FABP3: variants seen among roughly 807,000 people sequenced by gnomAD.
FABP3 encodes the protein fatty acid-binding protein, heart.
In FABP3, 8 loss-of-function variants were observed where a neutral mutation model predicts 13.4. That is an observed-to-expected ratio of 0.60 (90% CI 0.35 to 1.07). The LOEUF (loss-of-function observed/expected upper bound fraction) is 1.07, where lower values mean the gene tolerates loss of function less well. Among genes scored for constraint, FABP3 ranks in the 50% least tolerant of loss-of-function variants. The pLI, the probability that FABP3 is intolerant of heterozygous loss-of-function variation, is 0.02. For missense variants in FABP3, 135 were observed against 164.7 expected (o/e 0.82, Z 0.99); for synonymous variants, 64 against 60.0 (o/e 1.07, Z -0.31).
chr1:31,369,685 T>C (rs1450905157), intron 1 of FABP3, 128 bp from the exon 2 acceptor site: 2 of 863,756 alleles, frequency 2.3e-6, no homozygotes, highest in African/African-American at 3.4e-5. Flanking sequence ...AGCCTTTGCA[T>C]GGGAATTTTA....
At chr1:31,363,915 G>A (rs367876469), downstream of FABP3, 5 of 1,428,112 alleles carry the variant, frequency 3.5e-6, no homozygotes, top group East Asian at 4.9e-5. Context: ...CTCCCACCTC[G>A]GCTTCCCAAA....
intron 2 of FABP3, 41 bp downstream of exon 2, chr1:31,369,344 C>A: frequency 6.2e-7 from 1 of 1,601,904 alleles, no homozygotes. Flanking sequence ...CTTTTAGAGT[C>A]TCAGCACTCT....
intron 2 of FABP3, 118 bp from the exon 3 acceptor site, chr1:31,367,612 G>A: frequency 3.6e-6 from 3 of 823,066 alleles, no homozygotes; most frequent in Non-Finnish European, 6.3e-6. Context: ...GTGATGGTGT[G>A]AGGACAAGAG....
rs2228194 is a variant in FABP3 at position 31,369,473 on chromosome 1, T to A, written c.158A>T (p.Lys53Ile). Residue 53 changes from lysine (K) to isoleucine (I), a missense_variant, in exon 2 of 4, where the codon AAA (lysine) becomes ATA (isoleucine). Physicochemically the swap from Lys to Ile is moderately radical, Grantham distance 102. Coordinates refer to ENST00000373713, the MANE Select transcript of FABP3 (RefSeq NM_004102.5). ...IEKNGDILTLKTHSTFKNTEI... is the reference protein window; with the variant it reads ...IEKNGDILTLITHSTFKNTEI... ...TGTGTTCTTGAAGGTGCTGTGTGTT[T>A]TTAGGGTGAGAATGTCCCCATTCTT... 7.2e-4 allele frequency: 1,155 copies of A among 1,614,150 alleles called. 3 individuals are homozygous for A. Among genetic ancestry groups the A allele is most frequent in the Non-Finnish European group, 6.9e-4 (816 of 1,180,028 alleles).
chr1:31,363,472 C>T (rs934502524), downstream of FABP3, among the ~76,000 whole-genome samples: 3 of 152,132 alleles, frequency 2.0e-5, no homozygotes, highest in African/African-American at 4.8e-5. Flanking sequence ...CGTGAGCCAC[C>T]GCACCTGGCC....
chr1:31,371,868 T>C (rs1640215060), intron 1 of FABP3, among the ~76,000 whole-genome samples: 1 of 152,230 alleles, frequency 6.6e-6, no homozygotes, highest in Non-Finnish European at 1.5e-5. Context: ...GAAGAAGGGC[T>C]GAGGTCAATC....
chr1:31,367,625 C>T (rs1206095947), intron 2 of FABP3, 131 bp from the exon 3 acceptor site: 2 of 743,816 alleles, frequency 2.7e-6, no homozygotes, highest in African/African-American at 3.4e-5. Flanking sequence ...GACAAGAGCT[C>T]AGGCAATCCG....
At chr1:31,370,963 CCA>C (rs1321787572) in intron 1 of FABP3, among the ~76,000 whole-genome samples, 1 of 152,192 alleles carries the variant, frequency 6.6e-6, no homozygotes, top group Non-Finnish European at 1.5e-5. Context: ...TAGATTATCC[CCA>C]GTTTACAATG....
downstream of FABP3, chr1:31,364,007 T>C (rs1246475999): frequency 6.2e-7 from 1 of 1,607,266 alleles, no homozygotes; most frequent in Non-Finnish European, 8.5e-7. Context: ...ACATACAGTG[T>C]TGATTTTTAA....
intron 2 of FABP3, chr1:31,368,922 C>T (rs911000747): frequency 6.5e-6 from 1 of 154,266 alleles, no homozygotes; most frequent in African/African-American, 2.4e-5. Context: ...TTCCTGGCTG[C>T]CTTTTTTGCT....
chr1:31,369,741 G>C (rs1163627784), intron 1 of FABP3, among the ~76,000 whole-genome samples, 184 bp from the exon 2 acceptor site: 1 of 152,156 alleles, frequency 6.6e-6, no homozygotes, highest in African/African-American at 2.4e-5. Context: ...ACAGATAACT[G>C]ATCCCATTAG....
downstream of FABP3, among the ~76,000 whole-genome samples, chr1:31,365,243 T>A (rs1185236689): frequency 6.6e-6 from 1 of 152,152 alleles, no homozygotes; most frequent in Non-Finnish European, 1.5e-5. Flanking sequence ...CAGTGGTCAT[T>A]TTCTCCCACC....
chr1:31,371,662 C>T (rs1000059229), intron 1 of FABP3, among the ~76,000 whole-genome samples: 1 of 152,230 alleles, frequency 6.6e-6, no homozygotes, highest in East Asian at 1.9e-4. Flanking sequence ...ATTCAAGACT[C>T]AGCTCTGGCC....
In FABP3 at chr1:31,365,594, T is replaced by C. The variant is rs577433423; in HGVS notation, c.*292A>G. 2.2e-5 allele frequency: 8 copies of C among 370,300 alleles called. No individual in the cohort carries two copies. Among genetic ancestry groups the C allele is most frequent in the South Asian group, 1.5e-4 (5 of 32,702 alleles). 22.9% of individuals were successfully genotyped at this position (370,300 alleles called of 1,614,324 possible). The stretch of plus-strand genomic sequence containing the variant: ...CAGGCCGTTATTTCTGCCCACTCTC[T>C]GACACACAGGATAAACCAAGACTCC... On this transcript the variant is annotated 3_prime_UTR_variant, in exon 4 of 4. Coordinates refer to ENST00000373713, the MANE Select transcript of FABP3 (RefSeq NM_004102.5).
downstream of FABP3, chr1:31,363,968 T>C (rs1640031513): frequency 6.3e-7 from 1 of 1,575,070 alleles, no homozygotes. Flanking sequence ...TGGCCAATTA[T>C]GTGCTATGAT....
rs1640166982 is a variant in FABP3 at position 31,369,466 on chromosome 1, G to A, written c.165C>T (p.His55=). The stretch of plus-strand genomic sequence containing the variant: ...TGATCTCTGTGTTCTTGAAGGTGCT[G>A]TGTGTTTTTAGGGTGAGAATGTCCC... ...KNGDILTLKT[H]STFKNTEISF... The change falls in exon 2 of 4, where the codon CAC becomes CAT. Residue 55 remains histidine (H), a synonymous_variant. Transcript: ENST00000373713. 2.5e-6 allele frequency: 4 copies of A among 1,614,182 alleles called. No individual in the cohort carries two copies. Among genetic ancestry groups the A allele is most frequent in the Non-Finnish European group, 3.4e-6 (4 of 1,180,040 alleles).
downstream of FABP3, among the ~76,000 whole-genome samples, chr1:31,363,293 C>T (rs1250294554): frequency 4.0e-5 from 6 of 151,764 alleles, no homozygotes; most frequent in Admixed American, 3.9e-4. Context: ...ACACCATTCT[C>T]CTGTCTCAGC....
At chr1:31,363,797 G>GACAGTTTT (rs1640022477), downstream of FABP3, among the ~76,000 whole-genome samples, 2 of 152,084 alleles carry the variant, frequency 1.3e-5, no homozygotes, top group Admixed American at 1.3e-4. Context: ...AGAAAATTAA[G>GACAGTTTT]TGGTCCCCTA....
At chr1:31,363,182 C>CTTTT (rs374893533), downstream of FABP3, among the ~76,000 whole-genome samples, 1 of 135,640 alleles carries the variant, frequency 7.4e-6, no homozygotes, top group African/African-American at 2.8e-5. Flanking sequence ...ATGTCTTATA[C>CTTTT]TTTTTTTTTT....
Sources: gnomAD v4.1 joint callset for allele counts (sites outside exome capture counted in the v4.1 genomes callset) on GRCh38, gnomAD v4.1.1 for gene constraint, MANE v1.5 for transcripts, NCBI Gene and HGNC (gene_info 2026-07-23, HGNC 2026-07-21) for gene names.